The following PCDHGA9 variants were observed in gnomAD, a reference collection of about 807,000 sequenced individuals.
PCDHGA9 encodes protocadherin gamma-A9.
In PCDHGA9, 37 loss-of-function variants were observed where a neutral mutation model predicts 62.5. The ratio of observed to expected loss-of-function variants is 0.59; its 90% confidence interval spans 0.46 to 0.78. PCDHGA9 has a LOEUF of 0.78. PCDHGA9 is among the 30% of genes least tolerant of loss of function. The probability of loss-of-function intolerance (pLI) is 0.00; values close to 1 mark genes in which losing one functional copy is unlikely to be tolerated. For missense variants in PCDHGA9, 1,138 were observed against 1,166.2 expected, an observed-to-expected ratio of 0.98 and a Z score of 0.35; for synonymous variants, 459 against 484.6, an observed-to-expected ratio of 0.95 and a Z score of 0.69.
chr5:141,491,407 G>A lies in PCDHGA9; in HGVS notation c.2425-3400G>A. ...GAAGTGCCTTCAGGGAAACGCAGAC[G>A]GGGACGGGGGTGGAGGGCAGTGCTG... is the stretch of plus-strand genomic sequence containing the variant. On this transcript the variant is annotated intron_variant, in intron 1 of 3. Transcript: ENST00000573521. The surrounding 1 kb of genome is among the most constrained non-coding windows in gnomAD (Gnocchi z 6.9). The A allele has an allele frequency of 6.2e-7, 1 of 1,614,116 alleles. No individual in the cohort carries two copies. The highest frequency in any genetic ancestry group is 8.5e-7 in the Non-Finnish European group (1 of 1,180,000).
chr5:141,417,875 G>A, intron 1 of PCDHGA9: 1 of 1,556,360 alleles, frequency 6.4e-7, no homozygotes, highest in South Asian at 1.2e-5. Flanking sequence ...AGGGAGCTGC[G>A]CGCAGAGGCG....
chr5:141,419,737 G>C lies in PCDHGA9; in HGVS notation c.2424+14361G>C, dbSNP rs201663350. The C allele has an allele frequency of 1.9e-6, 3 of 1,613,718 alleles. No homozygotes were observed. In the African/African-American group the frequency reaches 4.0e-5, roughly 22 times the overall value. Reference sequence around the variant, plus strand: ...GCCTGGGGCTGCGAACAGGCGAGGTGCGCATGGTGCGTGCTTTGGGTGACA... The same window carrying C: ...GCCTGGGGCTGCGAACAGGCGAGGTCCGCATGGTGCGTGCTTTGGGTGACA... On this transcript the variant is annotated intron_variant, in intron 1 of 3. Transcript: ENST00000573521.
intron 1 of PCDHGA9, among the ~76,000 whole-genome samples, chr5:141,488,738 A>G (rs1462948813): frequency 1.3e-5 from 2 of 152,222 alleles, no homozygotes; most frequent in Non-Finnish European, 2.9e-5. Context: ...TTCTGAAGTC[A>G]TGCAGGAAGT....
chr5:141,476,613 G>T lies in PCDHGA9; in HGVS notation c.2425-18194G>T. On this transcript the variant is annotated intron_variant, in intron 1 of 3. Coordinates refer to ENST00000573521, the MANE Select transcript of PCDHGA9 (RefSeq NM_018921.3). The surrounding 1 kb of genome is among the most constrained non-coding windows in gnomAD (Gnocchi z 7.6). ...AGCGCGCACGATCCCGATGTGGGAA[G>T]CAACTCTTTACAAACCTATGAGCTG... 2 of 1,614,266 alleles carry T rather than the reference G, an allele frequency of 1.2e-6. No homozygotes were observed. The highest frequency in any genetic ancestry group is 2.7e-5 in the African/African-American group (2 of 75,078).
At chr5:141,479,620 G>A (rs2099501211) in intron 1 of PCDHGA9, 2 of 152,192 alleles carry the variant, frequency 1.3e-5, no homozygotes, top group African/African-American at 4.8e-5. Context: ...GGGAAACCAT[G>A]TCTCTTTAAC....
At position 141,491,794 on chromosome 5, in the gene PCDHGA9, TC is replaced by T; in HGVS notation, c.2425-3011del. On this transcript the variant is annotated intron_variant, in intron 1 of 3. Transcript: ENST00000573521. This position sits in a 1 kb window ranked among gnomAD's most constrained non-coding sequence, Gnocchi z 6.9. ...GGGATTGAACTTGCATCCACTCCTC[TC>T]CGGCCGGCTTGGTCGCTGGCTGCGC... is the stretch of plus-strand genomic sequence containing the variant. The T allele has an allele frequency of 6.6e-7, 1 of 1,511,056 alleles. No individual in the cohort carries two copies. The highest frequency in any genetic ancestry group is 8.8e-7 in the Non-Finnish European group (1 of 1,130,146). The allele number at this position is 1,511,056 out of a possible 1,614,324, so 93.6% of individuals were successfully genotyped here.
At chr5:141,425,253 A>G (rs1019069029) in intron 1 of PCDHGA9, among the ~76,000 whole-genome samples, 12 of 152,196 alleles carry the variant, frequency 7.9e-5, no homozygotes, top group Non-Finnish European at 1.5e-4. Context: ...GATATGAGGT[A>G]TTTGGCTGGG....
chr5:141,456,735 C>T (rs568353480), intron 1 of PCDHGA9, among the ~76,000 whole-genome samples: 8 of 152,216 alleles, frequency 5.3e-5, no homozygotes, highest in East Asian at 3.9e-4. Context: ...GAGGCTGAGG[C>T]GGGAGCATCA....
At chr5:141,478,683 C>G (rs1355955377) in intron 1 of PCDHGA9, 14 of 1,551,164 alleles carry the variant, frequency 9.0e-6, no homozygotes, top group African/African-American at 1.4e-5. Flanking sequence ...CTGGCCCTTC[C>G]TAGATCAAAG....
chr5:141,495,323 G>C (rs1029646773), intron 2 of PCDHGA9, among the ~76,000 whole-genome samples: 2 of 152,214 alleles, frequency 1.3e-5, no homozygotes, highest in African/African-American at 4.8e-5. Context: ...AGCCGAGGCT[G>C]ACTGCAGCCT....
intron 1 of PCDHGA9, chr5:141,423,051 C>T (rs200022455): frequency 1.7e-5 from 28 of 1,614,084 alleles, no homozygotes; most frequent in Non-Finnish European, 2.3e-5. Context: ...TGTCCTATCG[C>T]CTGCTTAAGG....
At chr5:141,469,374 A>G (rs1270202528) in intron 1 of PCDHGA9, among the ~76,000 whole-genome samples, 1 of 152,076 alleles carries the variant, frequency 6.6e-6, no homozygotes, top group Non-Finnish European at 1.5e-5. Flanking sequence ...AAAGAGATCG[A>G]GACCATCCTG....
chr5:141,403,241 G>C lies in PCDHGA9; in HGVS notation c.289G>C (p.Ala97Pro). 1 of 1,613,956 alleles carries C rather than the reference G, an allele frequency of 6.2e-7. No individual in the cohort carries two copies. ...TAGGATAGACCGGGAGGAGCTCTGT[G>C]CTCAGAGCCCGCGGTGTCTGGTGAA... ...AGRIDREELC[A>P]QSPRCLVNFK... is the part of the protein sequence containing the mutation. The change falls in exon 1 of 4, where the codon GCT becomes CCT. Residue 97 changes from alanine to proline, a missense_variant. Ala to Pro is a conservative substitution (Grantham distance 27). Coordinates refer to ENST00000573521, the MANE Select transcript of PCDHGA9 (RefSeq NM_018921.3).
rs774079222 is a variant in PCDHGA9 at position 141,491,314 on chromosome 5, C to T, written c.2425-3493C>T. On this transcript the variant is annotated intron_variant, in intron 1 of 3. Coordinates refer to ENST00000573521, the MANE Select transcript of PCDHGA9 (RefSeq NM_018921.3). This position sits in a 1 kb window ranked among gnomAD's most constrained non-coding sequence, Gnocchi z 6.9. ...CCCTCCTGAGCGTTCAGACCTTACC[C>T]TTTACCTCATTGTGGCTCTAGCGAC... The T allele has an allele frequency of 1.9e-6, 3 of 1,614,182 alleles. No individual in the cohort carries two copies. In the South Asian group the frequency reaches 3.3e-5, roughly 18 times the overall value.
rs2099710385 is a variant in PCDHGA9 at position 141,491,296 on chromosome 5, G to A, written c.2425-3511G>A. 6.2e-7 allele frequency: 1 copy of A among 1,614,034 alleles called. No individual in the cohort carries two copies. Among genetic ancestry groups the A allele is most frequent in the African/African-American group, 1.3e-5 (1 of 74,924 alleles). Reference sequence around the variant, plus strand: ...CAGTGACTTCCTCATACACCCTCCTGAGCGTTCAGACCTTACCCTTTACCT... The same window carrying A: ...CAGTGACTTCCTCATACACCCTCCTAAGCGTTCAGACCTTACCCTTTACCT... On this transcript the variant is annotated intron_variant, in intron 1 of 3. Transcript: ENST00000573521. The surrounding 1 kb of genome is among the most constrained non-coding windows in gnomAD (Gnocchi z 6.9).
Position 141,410,620 on chromosome 5 carries a change from G to A in PCDHGA9, c.2424+5244G>A, listed in dbSNP as rs765125633. 4 of 1,603,524 alleles carry A rather than the reference G, an allele frequency of 2.5e-6. No homozygotes were observed. In the South Asian group the frequency reaches 3.3e-5, roughly 13 times the overall value. On this transcript the variant is annotated intron_variant, in intron 1 of 3. Coordinates refer to ENST00000573521, the MANE Select transcript of PCDHGA9 (RefSeq NM_018921.3). The stretch of plus-strand genomic sequence containing the variant: ...CTTCACATCCTGAGACTCTGACTTC[G>A]GTGAGTTTCTCTTTTTTGTGTGTGA...
intron 3 of PCDHGA9, chr5:141,507,274 C>T (rs1000866082): frequency 1.3e-5 from 2 of 151,532 alleles, no homozygotes; most frequent in Non-Finnish European, 2.9e-5. Context: ...ACTATTTCAG[C>T]ATAAGTCAGT....
In PCDHGA9 at chr5:141,476,445, T is replaced by G. The variant is rs2099391853; in HGVS notation, c.2425-18362T>G. 1 of 1,613,956 alleles carries G rather than the reference T, an allele frequency of 6.2e-7. No individual in the cohort carries two copies. The highest frequency in any genetic ancestry group is 1.7e-5 in the Admixed American group (1 of 60,008). The stretch of plus-strand genomic sequence containing the variant: ...CCCTCTTGCACTGTAACTCTGGAGT[T>G]GGTAGTGGAGAACCCGCTGGAGCTG... On this transcript the variant is annotated intron_variant, in intron 1 of 3. Coordinates refer to ENST00000573521, the MANE Select transcript of PCDHGA9 (RefSeq NM_018921.3). This position sits in a 1 kb window ranked among gnomAD's most constrained non-coding sequence, Gnocchi z 7.6.
intron 1 of PCDHGA9, chr5:141,417,831 C>T: frequency 5.2e-6 from 8 of 1,526,966 alleles, no homozygotes; most frequent in Non-Finnish European, 7.1e-6. Flanking sequence ...ACTGGAAAAG[C>T]GGGGACCCAG....
Sources: allele counts gnomAD v4.1 joint callset (sites outside exome capture counted in the v4.1 genomes callset), GRCh38; gene constraint gnomAD v4.1.1; non-coding constraint Gnocchi (gnomAD v3.1); transcripts MANE v1.5; gene names NCBI Gene and HGNC (gene_info 2026-07-23, HGNC 2026-07-21).